ARMC7: variants seen among roughly 807,000 people sequenced by gnomAD.
ARMC7 encodes the protein armadillo repeat-containing protein 7.
A neutral mutation model predicts 14.8 loss-of-function variants in ARMC7; 9 were observed. The observed-to-expected ratio is 0.61, with a 90% CI of 0.37 to 1.06. The LOEUF is 1.06. Ranked by LOEUF, ARMC7 falls within the 50% of genes least tolerant of loss-of-function variation. ARMC7 has a pLI of 0.01. For synonymous variants in ARMC7, 125 were observed against 123.4 expected (o/e 1.01, Z -0.09); for missense variants, 262 against 267.1 (o/e 0.98, Z 0.13).
intron 2 of ARMC7, among the ~76,000 whole-genome samples, chr17:75,121,735 ATTATG>A (rs1423288313): frequency 6.6e-6 from 1 of 151,960 alleles, no homozygotes; most frequent in Non-Finnish European, 1.5e-5. Flanking sequence ...TATTTTTGCT[ATTATG>A]TTGAGTGTGT....
rs1036198695 is a variant in ARMC7 at position 75,128,925 on chromosome 17, A to C, written c.484A>C (p.Ile162Leu). Residue 162 changes from isoleucine to leucine, a missense_variant, in exon 3 of 3, where the codon ATC (isoleucine) becomes CTC (leucine). Ile to Leu is a conservative substitution (Grantham distance 5). Coordinates refer to ENST00000245543, the MANE Select transcript of ARMC7 (RefSeq NM_024585.4). ...CGCCAGGCTCCGGAACCTGGCACAG[A>C]TCTTCCTGGAGGACTTCTGCTCCCC... is the stretch of plus-strand genomic sequence containing the variant. ...ASARLRNLAQ[I>L]FLEDFCSPRQ... 5.6e-6 allele frequency: 9 copies of C among 1,608,464 alleles called. No homozygotes were observed. The Admixed American group carries it at 1.0e-4, about 18-fold the overall frequency.
chr17:75,114,508 C>G, intron 2 of ARMC7: 1 of 393,762 alleles, frequency 2.5e-6, no homozygotes, highest in Non-Finnish European at 4.5e-6. Context: ...CCCAGCGTCT[C>G]CACTTCTCAG....
chr17:75,122,204 C>T (rs1051089706), intron 2 of ARMC7, among the ~76,000 whole-genome samples: 3 of 151,664 alleles, frequency 2.0e-5, no homozygotes, highest in Non-Finnish European at 4.4e-5. Flanking sequence ...GGCATGTTGA[C>T]GGGCGCCTGT....
At chr17:75,110,778 C>T (rs1017340495) in intron 2 of ARMC7, among the ~76,000 whole-genome samples, 172 bp downstream of exon 2, 1 of 151,976 alleles carries the variant, frequency 6.6e-6, no homozygotes, top group African/African-American at 2.4e-5. Flanking sequence ...GCCTGGCCCA[C>T]ATGGCGAAAC....
intron 2 of ARMC7, among the ~76,000 whole-genome samples, chr17:75,118,210 GCTAA>G (rs1033779777): frequency 6.6e-6 from 1 of 152,010 alleles, no homozygotes; most frequent in Non-Finnish European, 1.5e-5. Flanking sequence ...ATTGTTTTAA[GCTAA>G]CTATTACCTT....
At chr17:75,116,622 T>C (rs900050621) in intron 2 of ARMC7, among the ~76,000 whole-genome samples, 24 of 152,166 alleles carry the variant, frequency 1.6e-4, no homozygotes, top group Non-Finnish European at 3.1e-4. Flanking sequence ...TGAAACTCCG[T>C]CTCAAAATAA....
intron 2 of ARMC7, among the ~76,000 whole-genome samples, chr17:75,116,243 A>G (rs768349541): frequency 1.1e-4 from 16 of 152,216 alleles, no homozygotes; most frequent in Admixed American, 3.3e-4. Flanking sequence ...CATTGGACAT[A>G]GTACTAAAGT....
chr17:75,114,770 G>A (rs922602232), intron 2 of ARMC7: 2 of 397,888 alleles, frequency 5.0e-6, no homozygotes, highest in East Asian at 3.6e-5. Context: ...TCTCAGCGTC[G>A]AATCCCTCCG....
Position 75,129,446 on chromosome 17 carries a change from G to C in ARMC7, c.*408G>C, listed in dbSNP as rs1414045033. The C allele has an allele frequency of 5.1e-6, 1 of 194,852 alleles. No homozygotes were observed. The highest frequency in any genetic ancestry group is 5.7e-5 in the Admixed American group (1 of 17,636). 12.1% of individuals were successfully genotyped at this position (194,852 alleles called of 1,614,324 possible). ...GATTATCCCTTAACAGAAGTGTCTG[G>C]AGTAGTTTTCAGGTATAGGAATGAG... On this transcript the variant is annotated 3_prime_UTR_variant, in exon 3 of 3. Coordinates refer to ENST00000245543, the MANE Select transcript of ARMC7 (RefSeq NM_024585.4).
At chr17:75,122,604 C>T (rs939970491) in intron 2 of ARMC7, among the ~76,000 whole-genome samples, 1 of 152,016 alleles carries the variant, frequency 6.6e-6, no homozygotes, top group Non-Finnish European at 1.5e-5. Context: ...CTCAGGTGAT[C>T]CTCCTGCCTC....
At position 75,129,155 on chromosome 17, in the gene ARMC7, G is replaced by A. The variant is rs1204358823; in HGVS notation, c.*117G>A. On this transcript the variant is annotated 3_prime_UTR_variant, in exon 3 of 3. Transcript: ENST00000245543. The stretch of plus-strand genomic sequence containing the variant: ...TGGTGCCTTTTCAGCCATCTGAAAG[G>A]CGGGTTCTTTCAGCAGGACAGGCAT... 4 of 1,395,484 alleles carry A rather than the reference G, an allele frequency of 2.9e-6. No individual in the cohort carries two copies. The highest frequency in any genetic ancestry group is 3.8e-6 in the Non-Finnish European group (4 of 1,053,042). The allele number at this position is 1,395,484 out of a possible 1,614,324, so 86.4% of individuals were successfully genotyped here.
chr17:75,114,931 C>T (rs1188565476), intron 2 of ARMC7: 1 of 383,596 alleles, frequency 2.6e-6, no homozygotes, highest in Non-Finnish European at 4.6e-6. Context: ...TTGGGGATCC[C>T]CGACAGGCAC....
intron 2 of ARMC7, among the ~76,000 whole-genome samples, chr17:75,110,885 A>G (rs1270541511): frequency 1.3e-5 from 2 of 150,950 alleles, no homozygotes; most frequent in Non-Finnish European, 1.5e-5. Context: ...CCCAGGAGGC[A>G]AATGTTGCAG....
At chr17:75,122,519 G>C (rs541542393) in intron 2 of ARMC7, among the ~76,000 whole-genome samples, 1 of 151,306 alleles carries the variant, frequency 6.6e-6, no homozygotes, top group Non-Finnish European at 1.5e-5. Flanking sequence ...GTGCCACCAC[G>C]CCCAGCTAAT....
Position 75,110,340 on chromosome 17 carries a change from C to T in ARMC7, c.52C>T (p.Gln18Ter), listed in dbSNP as rs770596381. 6.2e-7 allele frequency: 1 copy of T among 1,614,030 alleles called. No individual in the cohort carries two copies. The highest frequency in any genetic ancestry group is 8.5e-7 in the Non-Finnish European group (1 of 1,180,026). The change falls in exon 1 of 3, where the codon CAG becomes TAG. Residue 18 changes from glutamine (Q) to a stop codon, truncating the protein, a stop_gained. Coordinates refer to ENST00000245543, the MANE Select transcript of ARMC7 (RefSeq NM_024585.4). LOFTEE classifies it high-confidence loss of function. ...CCACGTCGGGCGGCTGGGATACCTG[C>T]AGGCGCTGGTCACGGAATTCCAGGA... ...DPHVGRLGYL[Q>*]ALVTEFQETQ...
chr17:75,126,064 G>A (rs2074049245), intron 2 of ARMC7, among the ~76,000 whole-genome samples: 1 of 152,170 alleles, frequency 6.6e-6, no homozygotes, highest in African/African-American at 2.4e-5. Context: ...AAAAACAGGG[G>A]AAGTGGGTAG....
intron 2 of ARMC7, among the ~76,000 whole-genome samples, chr17:75,111,855 C>T (rs1180511692): frequency 2.0e-5 from 3 of 151,512 alleles, no homozygotes; most frequent in Non-Finnish European, 4.4e-5. Context: ...GAGTTATTCA[C>T]TGGGTAGATA....
chr17:75,124,104 T>C (rs1032076804), intron 2 of ARMC7, among the ~76,000 whole-genome samples: 1 of 152,186 alleles, frequency 6.6e-6, no homozygotes, highest in Non-Finnish European at 1.5e-5. Flanking sequence ...TGTGGCCTCT[T>C]GTGGGTCCTC....
intron 2 of ARMC7, 126 bp downstream of exon 2, chr17:75,110,732 G>A: frequency 7.6e-7 from 1 of 1,310,288 alleles, no homozygotes; most frequent in African/African-American, 1.5e-5. Flanking sequence ...GGAAGCTAAG[G>A]CGGGCGGATC....
Sources: gnomAD v4.1 joint callset for allele counts (sites outside exome capture counted in the v4.1 genomes callset) on GRCh38, gnomAD v4.1.1 for gene constraint, MANE v1.5 for transcripts, NCBI Gene and HGNC (gene_info 2026-07-23, HGNC 2026-07-21) for gene names.